SUPT3H: variants seen among roughly 807,000 people sequenced by gnomAD.
SUPT3H encodes the protein SPT3 homolog, SAGA and STAGA complex component, also known as transcription initiation protein SPT3 homolog.
A neutral mutation model predicts 44.3 loss-of-function variants in SUPT3H; 44 were observed. The ratio of observed to expected loss-of-function variants is 0.99; its 90% CI spans 0.78 to 1.28. SUPT3H has a LOEUF of 1.28. Ranked by LOEUF, SUPT3H falls within the 50% of genes most tolerant of loss-of-function variation. The pLI, the probability that SUPT3H is intolerant of heterozygous loss-of-function variation, is 0.00. For synonymous variants in SUPT3H, 124 were observed against 125.6 expected, an observed-to-expected ratio of 0.99 and a Z score of 0.09; for missense variants, 380 against 387.1, an observed-to-expected ratio of 0.98 and a Z score of 0.15.
At chr6:45,324,922 A>G (rs1047207401) in intron 2 of SUPT3H, among the ~76,000 whole-genome samples, 1 of 151,980 alleles carries the variant, frequency 6.6e-6, no homozygotes, top group African/African-American at 2.4e-5. Context: ...GAAATGGAAT[A>G]CTGCACAGTC....
Position 45,366,425 on chromosome 6 carries a change from C to T in SUPT3H, c.1-1124G>A, listed in dbSNP as rs531386081. ...GGCTGTTGTGAGAATTAAATGAATA[C>T]ATACAAAAATTTAGAGCAGTACTGA... On this transcript the variant is annotated intron_variant, in intron 1 of 10. Coordinates refer to ENST00000371459, the MANE Select transcript of SUPT3H (RefSeq NM_003599.4). Among the ~76,000 whole-genome samples, 17 of 152,222 alleles carry T rather than the reference C, an allele frequency of 1.1e-4. 1 individual carries two copies. In the South Asian group the frequency reaches 3.5e-3, roughly 32 times the overall value.
chr6:45,062,817 C>T (rs1287627952), intron 3 of SUPT3H, among the ~76,000 whole-genome samples: 1 of 152,024 alleles, frequency 6.6e-6, no homozygotes, highest in East Asian at 1.9e-4. Flanking sequence ...CCTACGCCCA[C>T]GGAGTCTCCC....
chr6:45,377,544 CA>C (rs1432319215), intron 1 of SUPT3H: 2 of 152,284 alleles, frequency 1.3e-5, no homozygotes, highest in Admixed American at 1.3e-4. Context: ...CCACGCTCGG[CA>C]GCGGAACCAG....
chr6:45,286,329 A>T lies in SUPT3H; in HGVS notation c.101+78872T>A, dbSNP rs191294498. Among the ~76,000 whole-genome samples the T allele has an allele frequency of 5.3e-3, 800 of 152,242 alleles. 5 individuals carry two copies. Among genetic ancestry groups the T allele is most frequent in the African/African-American group, 0.018 (747 of 41,520 alleles). On this transcript the variant is annotated intron_variant, in intron 2 of 10. Transcript: ENST00000371459. ...CAGGCAACCTACAGAATGGGAAAAA[A>T]TTTTTGCAATCTACTCATCTGACAA...
intron 3 of SUPT3H, 133 bp downstream of exon 3, chr6:45,105,789 T>C: frequency 1.7e-6 from 1 of 604,906 alleles, no homozygotes; most frequent in Non-Finnish European, 2.7e-6. Flanking sequence ...TTTTGTTATA[T>C]ATAAAGTATA....
At chr6:44,917,309 G>A (rs922663229) in intron 10 of SUPT3H, among the ~76,000 whole-genome samples, 43 of 152,076 alleles carry the variant, frequency 2.8e-4, no homozygotes, top group African/African-American at 9.7e-4. Context: ...GTTCATTTAG[G>A]ATAATCATTT....
intron 2 of SUPT3H, among the ~76,000 whole-genome samples, chr6:45,163,945 G>A (rs2153602499): frequency 6.6e-6 from 1 of 152,186 alleles, no homozygotes; most frequent in African/African-American, 2.4e-5. Context: ...TCCCGTATTT[G>A]TGAATCAGCC....
At chr6:45,187,101 T>TTAA (rs752077123) in intron 2 of SUPT3H, among the ~76,000 whole-genome samples, 3 of 79,842 alleles carry the variant, frequency 3.8e-5, no homozygotes, top group Admixed American at 3.3e-4. Context: ...TTTTCGCCTT[T>TTAA]AAAAAAAAAA....
chr6:45,325,269 TA>T lies in SUPT3H; in HGVS notation c.101+39931del, dbSNP rs555202269. The stretch of plus-strand genomic sequence containing the variant: ...CAGCAAATAAGTCTAAAATAATCCT[TA>T]AAAAAATGCATAGAAATGAGCACAA... On this transcript the variant is annotated intron_variant, in intron 2 of 10. Transcript: ENST00000371459. 3.3e-3 allele frequency among the ~76,000 whole-genome samples: 508 copies of T among 151,714 alleles called. 1 individual carries two copies. The highest frequency in any genetic ancestry group is 0.011 in the African/African-American group (472 of 41,460).
At chr6:45,158,298 A>ATATATATATTTTTTTTT in intron 2 of SUPT3H, among the ~76,000 whole-genome samples, 1 of 99,692 alleles carries the variant, frequency 1.0e-5, no homozygotes, top group African/African-American at 5.0e-5. Context: ...ATATATATAT[A>ATATATATATTTTTTTTT]TTTTTTTTTT....
chr6:45,275,211 G>A (rs1480800458), intron 2 of SUPT3H, among the ~76,000 whole-genome samples: 1 of 152,158 alleles, frequency 6.6e-6, no homozygotes, highest in South Asian at 2.1e-4. Flanking sequence ...TAGTGGGCTT[G>A]GTGACTGGGA....
rs9472374 is a variant in SUPT3H at position 44,828,563 on chromosome 6, T to C, written c.*1253A>G. On this transcript the variant is annotated 3_prime_UTR_variant, in exon 11 of 11. Transcript: ENST00000371459. ...TTACAATATAAGAAGGCAGGAAAGCTAATGACATAACCTCTAAATGGCATG... is the reference window on the plus strand; with the variant it reads ...TTACAATATAAGAAGGCAGGAAAGCCAATGACATAACCTCTAAATGGCATG... Among the ~76,000 whole-genome samples, 13,298 of 152,192 alleles carry C rather than the reference T, an allele frequency of 0.087. 962 individuals carry two copies. Among genetic ancestry groups the C allele is most frequent in the African/African-American group, 0.2 (8,114 of 41,514 alleles).
chr6:45,019,315 T>A (rs111314462), intron 4 of SUPT3H, among the ~76,000 whole-genome samples: 1 of 152,094 alleles, frequency 6.6e-6, no homozygotes, highest in African/African-American at 2.4e-5. Flanking sequence ...GATTCATTAA[T>A]TTTTTGAAGG....
chr6:45,329,461 T>C (rs760471038), intron 2 of SUPT3H, among the ~76,000 whole-genome samples: 3 of 151,968 alleles, frequency 2.0e-5, no homozygotes, highest in Admixed American at 6.6e-5. Flanking sequence ...AAAAAGTTCA[T>C]GGAAGTATTT....
chr6:44,957,555 A>G (rs1355101503), intron 7 of SUPT3H, among the ~76,000 whole-genome samples: 3 of 152,172 alleles, frequency 2.0e-5, no homozygotes, highest in Admixed American at 1.3e-4. Context: ...AGAAACAGAT[A>G]TTTTGTGACT....
intron 2 of SUPT3H, among the ~76,000 whole-genome samples, chr6:45,147,734 G>T (rs1806307754): frequency 6.6e-6 from 1 of 151,940 alleles, no homozygotes; most frequent in African/African-American, 2.4e-5. Flanking sequence ...TTTGGCAGTG[G>T]TATGGAGGAT....
At chr6:45,075,134 T>C (rs1394866177) in intron 3 of SUPT3H, among the ~76,000 whole-genome samples, 2 of 152,122 alleles carry the variant, frequency 1.3e-5, no homozygotes, top group South Asian at 4.1e-4. Context: ...ATATTCCATA[T>C]CTTTTAAAAC....
chr6:45,369,338 T>A (rs908735104), intron 1 of SUPT3H, among the ~76,000 whole-genome samples: 1 of 152,110 alleles, frequency 6.6e-6, no homozygotes, highest in African/African-American at 2.4e-5. Context: ...CCTAAGCCCA[T>A]CTCCAAGAAA....
At chr6:44,836,877 CTTTG>C (rs1290165706) in intron 10 of SUPT3H, among the ~76,000 whole-genome samples, 1 of 152,086 alleles carries the variant, frequency 6.6e-6, no homozygotes, top group Non-Finnish European at 1.5e-5. Flanking sequence ...TTACATACAT[CTTTG>C]TTTAATAGTA....
Sources: gnomAD v4.1 joint callset for allele counts (sites outside exome capture counted in the v4.1 genomes callset) on GRCh38, gnomAD v4.1.1 for gene constraint, MANE v1.5 for transcripts, NCBI Gene and HGNC (gene_info 2026-07-23, HGNC 2026-07-21) for gene names.